COMMD10: variants seen among roughly 807,000 people sequenced by gnomAD.
COMMD10 encodes COMM domain containing 10.
In COMMD10, 33 loss-of-function variants were observed where a neutral mutation model predicts 28.9. That is an observed-to-expected ratio of 1.14 (90% CI 0.87 to 1.53). The LOEUF (loss-of-function observed/expected upper bound fraction) is 1.53, where lower values mean the gene tolerates loss of function less well. COMMD10 is among the 40% of genes most tolerant of loss of function. COMMD10 has a pLI of 0.00. For synonymous variants in COMMD10, 110 were observed against 81.7 expected (o/e 1.35, Z -1.87); for missense variants, 310 against 233.4 (o/e 1.33, Z -2.14).
intron 5 of COMMD10, among the ~76,000 whole-genome samples, chr5:116,253,891 C>T (rs958878878): frequency 6.6e-6 from 1 of 150,932 alleles, no homozygotes; most frequent in South Asian, 2.1e-4. Context: ...CCTCCTTGTA[C>T]CTCTGGTAGA....
intron 4 of COMMD10, among the ~76,000 whole-genome samples, chr5:116,124,869 C>A (rs1033953350): frequency 6.6e-6 from 1 of 152,104 alleles, no homozygotes; most frequent in African/African-American, 2.4e-5. Flanking sequence ...TCTGTTTTAT[C>A]AGAGACTAGG....
At chr5:116,229,961 C>T (rs540521382) in intron 5 of COMMD10, among the ~76,000 whole-genome samples, 2 of 147,992 alleles carry the variant, frequency 1.4e-5, no homozygotes, top group Admixed American at 6.7e-5. Flanking sequence ...CATACCTGAG[C>T]CCCCCCAAAA....
intron 5 of COMMD10, among the ~76,000 whole-genome samples, chr5:116,178,220 G>A (rs956891966): frequency 6.6e-6 from 1 of 151,996 alleles, no homozygotes; most frequent in East Asian, 1.9e-4. Context: ...ATTTTGGATT[G>A]TCTTCTTTTA....
intron 5 of COMMD10, among the ~76,000 whole-genome samples, chr5:116,140,169 C>A (rs964889992): frequency 6.6e-6 from 1 of 151,128 alleles, no homozygotes; most frequent in African/African-American, 2.4e-5. Context: ...TAATGTCCTC[C>A]AGATTCATCC....
At chr5:116,291,167 A>G (rs561522794) in intron 5 of COMMD10, among the ~76,000 whole-genome samples, 47 of 152,258 alleles carry the variant, frequency 3.1e-4, no homozygotes, top group African/African-American at 1.1e-3. Context: ...GTGTAATGGT[A>G]TTTACTAGAT....
At chr5:116,138,790 G>A (rs1752110702) in intron 5 of COMMD10, among the ~76,000 whole-genome samples, 1 of 151,640 alleles carries the variant, frequency 6.6e-6, no homozygotes, top group Non-Finnish European at 1.5e-5. Flanking sequence ...CTGACTTAGA[G>A]CTCTTCATTC....
chr5:116,243,454 A>C (rs925801283), intron 5 of COMMD10, among the ~76,000 whole-genome samples: 1 of 152,146 alleles, frequency 6.6e-6, no homozygotes, highest in African/African-American at 2.4e-5. Context: ...TGAGGAAAAC[A>C]GTTAGAAATT....
In COMMD10 at chr5:116,236,735, C is replaced by T. The variant is rs182834949; in HGVS notation, c.511-54782C>T. ...ATGATTTTTAGGGCTCCAGTAAATA[C>T]CATGTATGATACTATAATTTATTCA... is the stretch of plus-strand genomic sequence containing the variant. On this transcript the variant is annotated intron_variant, in intron 5 of 6. Coordinates refer to ENST00000274458, the MANE Select transcript of COMMD10 (RefSeq NM_016144.4). 4.6e-5 allele frequency among the ~76,000 whole-genome samples: 7 copies of T among 151,942 alleles called. No homozygotes were observed. In the East Asian group the frequency reaches 1.4e-3, roughly 29 times the overall value.
At chr5:116,218,569 G>C (rs1749163992) in intron 5 of COMMD10, among the ~76,000 whole-genome samples, 1 of 152,090 alleles carries the variant, frequency 6.6e-6, no homozygotes. Context: ...TATCCAACTT[G>C]ATAAAACCAA....
intron 4 of COMMD10, among the ~76,000 whole-genome samples, chr5:116,111,990 A>C (rs184609232): frequency 4.5e-4 from 68 of 152,278 alleles, no homozygotes; most frequent in African/African-American, 1.6e-3. Flanking sequence ...GTCCTCTTGT[A>C]GAACTGACAC....
At chr5:116,245,820 T>TTC (rs764832749) in intron 5 of COMMD10, among the ~76,000 whole-genome samples, 22 of 152,066 alleles carry the variant, frequency 1.4e-4, no homozygotes, top group Non-Finnish European at 3.1e-4. Flanking sequence ...GCAAACTAGG[T>TTC]ATTGAAGGAA....
At chr5:116,247,556 C>T (rs1019781308) in intron 5 of COMMD10, among the ~76,000 whole-genome samples, 1 of 152,030 alleles carries the variant, frequency 6.6e-6, no homozygotes. Flanking sequence ...ACAGCAAAGA[C>T]AGGGAATCAA....
At position 116,291,581 on chromosome 5, in the gene COMMD10, G is replaced by A. The variant is rs1197393238; in HGVS notation, c.570+5G>A. 1.3e-6 allele frequency: 2 copies of A among 1,508,048 alleles called. No homozygotes were observed. The highest frequency in any genetic ancestry group is 1.4e-5 in the African/African-American group (1 of 71,882). The allele number at this position is 1,508,048 out of a possible 1,614,324, so 93.4% of individuals were successfully genotyped here. The stretch of plus-strand genomic sequence containing the variant: ...TTGTTTGATTTCTATAACAAGGTCT[G>A]TATTTTTAAAATAATTTTCTAATAT... On this transcript the variant is annotated splice_donor_5th_base_variant and intron_variant, in intron 6 of 6. Coordinates refer to ENST00000274458, the MANE Select transcript of COMMD10 (RefSeq NM_016144.4).
chr5:116,237,421 A>G (rs993627817), intron 5 of COMMD10, among the ~76,000 whole-genome samples: 7 of 152,164 alleles, frequency 4.6e-5, no homozygotes, highest in African/African-American at 1.2e-4. Flanking sequence ...CAGTTTTACA[A>G]ATCACATGAT....
At chr5:116,138,468 T>G (rs940370871) in intron 5 of COMMD10, among the ~76,000 whole-genome samples, 5 of 151,854 alleles carry the variant, frequency 3.3e-5, no homozygotes, top group Non-Finnish European at 5.9e-5. Context: ...CACCAACACT[T>G]TAACTTTGAA....
At chr5:116,228,942 A>G (rs1191769644) in intron 5 of COMMD10, among the ~76,000 whole-genome samples, 2 of 152,008 alleles carry the variant, frequency 1.3e-5, no homozygotes, top group African/African-American at 2.4e-5. Context: ...CTCCCAGCTC[A>G]GGATAGTATT....
intron 5 of COMMD10, among the ~76,000 whole-genome samples, chr5:116,172,832 C>G (rs1403740836): frequency 1.3e-5 from 2 of 152,068 alleles, no homozygotes; most frequent in African/African-American, 4.8e-5. Flanking sequence ...ATTCTTCATG[C>G]TTTTTAATTA....
At chr5:116,190,676 C>T (rs1477078202) in intron 5 of COMMD10, among the ~76,000 whole-genome samples, 1 of 152,142 alleles carries the variant, frequency 6.6e-6, no homozygotes. Context: ...AGGAATACCT[C>T]TTATTTATGT....
intron 5 of COMMD10, among the ~76,000 whole-genome samples, chr5:116,283,413 C>T (rs1751127270): frequency 6.6e-6 from 1 of 151,314 alleles, no homozygotes; most frequent in Non-Finnish European, 1.5e-5. Flanking sequence ...GAGGCACAGT[C>T]TTGGCTCACT....
Sources: allele counts gnomAD v4.1 joint callset (sites outside exome capture counted in the v4.1 genomes callset), GRCh38; gene constraint gnomAD v4.1.1; transcripts MANE v1.5; gene names NCBI Gene and HGNC (gene_info 2026-07-23, HGNC 2026-07-21).